VWA3B: variants seen among roughly 807,000 people sequenced by gnomAD.
The protein encoded by VWA3B is von Willebrand factor A domain containing 3B, also known as von Willebrand factor A domain-containing protein 3B.
Under a neutral mutation model 158.3 loss-of-function variants are expected in VWA3B, and 138 were observed. The ratio of observed to expected loss-of-function variants is 0.87; its 90% CI spans 0.76 to 1.00. The LOEUF is 1.00. Ranked by LOEUF, VWA3B falls within the 50% of genes least tolerant of loss-of-function variation. The probability of loss-of-function intolerance (pLI) is 0.00; values close to 1 mark genes in which losing one functional copy is unlikely to be tolerated. For missense variants in VWA3B, 1,555 were observed against 1,565.1 expected (o/e 0.99, Z 0.11); for synonymous variants, 596 against 587.3 (o/e 1.01, Z -0.21).
chr2:98,297,909 G>A lies in VWA3B; in HGVS notation c.3160G>A (p.Val1054Ile), dbSNP rs752214502. 25 of 1,534,480 alleles carry A rather than the reference G, an allele frequency of 1.6e-5. No individual in the cohort carries two copies. The South Asian group carries it at 3.1e-4, about 19-fold the overall frequency. Residue 1054 changes from valine to isoleucine, a missense_variant and splice_region_variant, in exon 24 of 28, where the codon GTT becomes ATT. By Grantham distance (29) the Val-to-Ile change is conservative. Coordinates refer to ENST00000477737, the MANE Select transcript of VWA3B (RefSeq NM_144992.5). ...CDENGFYFPG[V>I]VKKCVSRTQA... is the part of the protein sequence containing the mutation. ...ATGTTTTCTTTGATTCCTTCCAGGG[G>A]TTGTGAAGAAGTGTGTGAGCCGCAC...
Position 98,125,865 on chromosome 2 carries a change from T to C in VWA3B, c.703-2374T>C, listed in dbSNP as rs1233477471. 6.6e-6 allele frequency among the ~76,000 whole-genome samples: 1 copy of C among 152,092 alleles called. No homozygotes were observed. The highest frequency in any genetic ancestry group is 1.5e-5 in the Non-Finnish European group (1 of 68,002). On this transcript the variant is annotated intron_variant, in intron 5 of 27. Transcript: ENST00000477737. The surrounding 1 kb of genome is among the most constrained non-coding windows in gnomAD (Gnocchi z 4.1). The stretch of plus-strand genomic sequence containing the variant: ...ATTTTTAGTAGAGACGGGGTTTCAC[T>C]GTGTTAGCCAGGATGGTCTCGATCT...
chr2:98,165,224 T>A (rs1046079266), intron 8 of VWA3B, among the ~76,000 whole-genome samples: 13 of 152,204 alleles, frequency 8.5e-5, no homozygotes, highest in African/African-American at 3.1e-4. Flanking sequence ...GTTAGCTCAT[T>A]TCATATTTGC....
At chr2:98,236,873 G>C in intron 19 of VWA3B, 143 bp downstream of exon 19, 1 of 1,181,594 alleles carries the variant, frequency 8.5e-7, no homozygotes, top group Non-Finnish European at 1.2e-6. Context: ...CAGTAAAAGG[G>C]AGAGAGAGAG....
At chr2:98,176,718 T>C (rs1325392821) in intron 8 of VWA3B, among the ~76,000 whole-genome samples, 1 of 152,198 alleles carries the variant, frequency 6.6e-6, no homozygotes, top group African/African-American at 2.4e-5. Flanking sequence ...TTGGGAATCT[T>C]GCTTGTGGTA....
chr2:98,196,442 C>A (rs1468637109), intron 12 of VWA3B, among the ~76,000 whole-genome samples: 1 of 152,086 alleles, frequency 6.6e-6, no homozygotes, highest in Admixed American at 6.6e-5. Context: ...AAGCCAAATT[C>A]TATTATTCTT....
At chr2:98,273,208 C>A (rs1558750289) in intron 22 of VWA3B, among the ~76,000 whole-genome samples, 2 of 152,222 alleles carry the variant, frequency 1.3e-5, no homozygotes, top group Non-Finnish European at 2.9e-5. Context: ...TTGGTTCAGT[C>A]TTTGCCAAGT....
chr2:98,298,112 T>TG (rs1370588852), intron 24 of VWA3B, 81 bp downstream of exon 24: 1 of 1,358,456 alleles, frequency 7.4e-7, no homozygotes, highest in Non-Finnish European at 9.5e-7. Flanking sequence ...GGCCACTGTT[T>TG]GGCCCTTTGC....
intron 14 of VWA3B, among the ~76,000 whole-genome samples, chr2:98,220,388 A>G (rs1463096697): frequency 2.0e-5 from 3 of 152,164 alleles, no homozygotes; most frequent in Non-Finnish European, 4.4e-5. Context: ...TTATAAGAAA[A>G]AGTGCAGGAT....
intron 2 of VWA3B, among the ~76,000 whole-genome samples, chr2:98,107,367 T>TTCC (rs1342373069): frequency 1.3e-5 from 2 of 152,110 alleles, no homozygotes. Flanking sequence ...TTGGGACGTA[T>TTCC]TCCTTCCTCT....
At chr2:98,178,056 A>T (rs1680158860) in intron 8 of VWA3B, among the ~76,000 whole-genome samples, 1 of 152,184 alleles carries the variant, frequency 6.6e-6, no homozygotes, top group Non-Finnish European at 1.5e-5. Flanking sequence ...TAATAATTGA[A>T]GAAAATGTCA....
intron 10 of VWA3B, among the ~76,000 whole-genome samples, chr2:98,191,177 A>G (rs1681541698): frequency 6.6e-6 from 1 of 152,098 alleles, no homozygotes; most frequent in African/African-American, 2.4e-5. Context: ...ATCTCTCTAC[A>G]AGTTTTATTT....
intron 8 of VWA3B, among the ~76,000 whole-genome samples, chr2:98,175,164 A>G (rs983109656): frequency 1.3e-5 from 2 of 152,196 alleles, no homozygotes; most frequent in Non-Finnish European, 2.9e-5. Flanking sequence ...AAAAAAAGCA[A>G]TCCATAGGAA....
intron 22 of VWA3B, among the ~76,000 whole-genome samples, chr2:98,284,539 G>A (rs1689057134): frequency 6.6e-6 from 1 of 152,100 alleles, no homozygotes; most frequent in South Asian, 2.1e-4. Context: ...CTTAAGAGGA[G>A]GCCTGCAAAT....
At position 98,154,676 on chromosome 2, in the gene VWA3B, T is replaced by C. The variant is rs140563321; in HGVS notation, c.989-8175T>C. Among the ~76,000 whole-genome samples the C allele has an allele frequency of 7.2e-5, 11 of 152,294 alleles. No homozygotes were observed. The East Asian group carries it at 2.1e-3, about 29-fold the overall frequency. ...TGCAATCAGCTCCTTAGAATTGTAC[T>C]GAAATAATCAAGGGAATCCGGGCAT... On this transcript the variant is annotated intron_variant, in intron 7 of 27. Transcript: ENST00000477737.
At chr2:98,187,218 C>G (rs1681149840) in intron 9 of VWA3B, among the ~76,000 whole-genome samples, 1 of 152,118 alleles carries the variant, frequency 6.6e-6, no homozygotes, top group South Asian at 2.1e-4. Flanking sequence ...TTGCCTTCCT[C>G]CACGTGTCAT....
At position 98,234,780 on chromosome 2, in the gene VWA3B, G is replaced by A. The variant is rs758444516; in HGVS notation, c.2428+13G>A. On this transcript the variant is annotated intron_variant, in intron 17 of 27. Coordinates refer to ENST00000477737, the MANE Select transcript of VWA3B (RefSeq NM_144992.5). The stretch of plus-strand genomic sequence containing the variant: ...CTAAGTGACAAAGGCAAGCCAGAAA[G>A]CATCTCTGTGGCCAACCAGCCTCCC... 5 of 1,614,106 alleles carry A rather than the reference G, an allele frequency of 3.1e-6. No individual in the cohort carries two copies. Among genetic ancestry groups the A allele is most frequent in the Non-Finnish European group, 3.4e-6 (4 of 1,179,978 alleles).
At chr2:98,275,023 T>A (rs902227358) in intron 22 of VWA3B, among the ~76,000 whole-genome samples, 2 of 152,202 alleles carry the variant, frequency 1.3e-5, no homozygotes, top group Admixed American at 1.3e-4. Flanking sequence ...TCACATGTCA[T>A]CCTCTAACCG....
chr2:98,308,954 T>A (rs1277935595), intron 26 of VWA3B, among the ~76,000 whole-genome samples: 1 of 151,958 alleles, frequency 6.6e-6, no homozygotes, highest in Non-Finnish European at 1.5e-5. Context: ...GGCAGATCAT[T>A]TGAGGTCAGG....
chr2:98,142,476 G>A (rs1349266529), intron 7 of VWA3B, among the ~76,000 whole-genome samples: 1 of 152,120 alleles, frequency 6.6e-6, no homozygotes, highest in African/African-American at 2.4e-5. Context: ...AGGGGTTCAG[G>A]CTTAAAAAAG....
Sources: gnomAD v4.1 joint callset for allele counts (sites outside exome capture counted in the v4.1 genomes callset) on GRCh38, gnomAD v4.1.1 for gene constraint, Gnocchi (gnomAD v3.1) non-coding constraint, MANE v1.5 for transcripts, NCBI Gene and HGNC (gene_info 2026-07-23, HGNC 2026-07-21) for gene names.